Variants in PCDHGA10 observed in about 807,000 individuals in gnomAD.
The protein encoded by PCDHGA10 is protocadherin gamma-A10.
Under a neutral mutation model 59.5 loss-of-function variants are expected in PCDHGA10, and 42 were observed. The observed-to-expected ratio is 0.71, with a 90% CI of 0.55 to 0.91. The LOEUF (loss-of-function observed/expected upper bound fraction) is 0.91. Ranked by LOEUF, PCDHGA10 falls within the 40% of genes least tolerant of loss-of-function variation. The pLI is 0.00. For synonymous variants in PCDHGA10, 511 were observed against 517.2 expected (o/e 0.99, Z 0.16); for missense variants, 1,111 against 1,198.2 (o/e 0.93, Z 1.07).
intron 1 of PCDHGA10, among the ~76,000 whole-genome samples, chr5:141,435,500 A>G (rs896915416): frequency 6.6e-6 from 1 of 152,176 alleles, no homozygotes; most frequent in African/African-American, 2.4e-5. Context: ...TCCTACACTA[A>G]TGATACTAAT....
Position 141,449,720 on chromosome 5 carries a change from T to C in PCDHGA10, c.2436+34109T>C, listed in dbSNP as rs373093679. 2.4e-4 allele frequency among the ~76,000 whole-genome samples: 36 copies of C among 151,876 alleles called. No individual in the cohort carries two copies. In the East Asian group the frequency reaches 3.1e-3, roughly 13 times the overall value. ...ACACAAACACATTATTTTTATATGA[T>C]ATGATTTTTTTATGACATGATTATT... On this transcript the variant is annotated intron_variant, in intron 1 of 3. Coordinates refer to ENST00000398610, the MANE Select transcript of PCDHGA10 (RefSeq NM_018913.3).
At chr5:141,418,803 A>G (rs1358411126) in intron 1 of PCDHGA10, 1 of 1,613,894 alleles carries the variant, frequency 6.2e-7, no homozygotes, top group Non-Finnish European at 8.5e-7. Context: ...GTAGAAAGAT[A>G]TACGATAAAC....
At chr5:141,455,860 ATTATTTATTTATTTATTTATTTAT>A (rs145569377) in intron 1 of PCDHGA10, among the ~76,000 whole-genome samples, 10 of 139,848 alleles carry the variant, frequency 7.2e-5, no homozygotes, top group Admixed American at 5.1e-4. Flanking sequence ...AATTTCTTTT[ATTATTTATTTATTTATTTATTTAT>A]TTATTTATTT....
At chr5:141,425,745 G>A (rs776065455) in intron 1 of PCDHGA10, among the ~76,000 whole-genome samples, 26 of 152,100 alleles carry the variant, frequency 1.7e-4, no homozygotes, top group Non-Finnish European at 2.9e-4. Flanking sequence ...TTCCCACAAG[G>A]TTTTTGTTCT....
At chr5:141,501,288 T>TATACAC (rs201660636) in intron 2 of PCDHGA10, among the ~76,000 whole-genome samples, 3,536 of 81,176 alleles carry the variant, frequency 0.044, 56 homozygotes, top group Admixed American at 0.065. Flanking sequence ...GATATTCCCT[T>TATACAC]ATACACACAC....
Position 141,487,424 on chromosome 5 carries a change from C to T in PCDHGA10, c.2437-7383C>T, listed in dbSNP as rs759893122. 5 of 1,613,982 alleles carry T rather than the reference C, an allele frequency of 3.1e-6. No individual in the cohort carries two copies. The highest frequency in any genetic ancestry group is 1.7e-5 in the Admixed American group (1 of 60,000). On this transcript the variant is annotated intron_variant, in intron 1 of 3. Transcript: ENST00000398610. The surrounding 1 kb of genome is among the most constrained non-coding windows in gnomAD (Gnocchi z 5.0). ...GCTTCCCCCTTCCAATGGGATCCTC[C>T]GAATCCAGCTAGGGTCAGATGACCC...
intron 1 of PCDHGA10, chr5:141,430,741 A>T (rs370226249): frequency 6.7e-6 from 10 of 1,498,900 alleles, no homozygotes; most frequent in Non-Finnish European, 8.9e-6. Flanking sequence ...ATTGAAAATA[A>T]TTCTGGAGGA....
rs751318430 is a variant in PCDHGA10 at position 141,485,603 on chromosome 5, G to A, written c.2437-9204G>A. 1 of 1,612,482 alleles carries A rather than the reference G, an allele frequency of 6.2e-7. No homozygotes were observed. The stretch of plus-strand genomic sequence containing the variant: ...GCAGCAGCTGGACTTGGAAATTGGG[G>A]AGGCAGCTCCTCCAGGACAGCGTTT... On this transcript the variant is annotated intron_variant, in intron 1 of 3. Coordinates refer to ENST00000398610, the MANE Select transcript of PCDHGA10 (RefSeq NM_018913.3). This position sits in a 1 kb window ranked among gnomAD's most constrained non-coding sequence, Gnocchi z 5.7.
rs1354607645 is a variant in PCDHGA10, at chr5:141,433,848, A to C, written c.2436+18237A>C. Among the ~76,000 whole-genome samples, 4 of 152,082 alleles carry C rather than the reference A, an allele frequency of 2.6e-5. No individual in the cohort carries two copies. In the East Asian group the frequency reaches 5.8e-4, roughly 22 times the overall value. ...GTGAAACTCTATCTCAAAAAAAAAA[A>C]AAAAAAACTTTATCCTCTAGTTTCA... On this transcript the variant is annotated intron_variant, in intron 1 of 3. Coordinates refer to ENST00000398610, the MANE Select transcript of PCDHGA10 (RefSeq NM_018913.3).
intron 1 of PCDHGA10, among the ~76,000 whole-genome samples, chr5:141,492,781 T>A (rs945023154): frequency 6.6e-6 from 1 of 152,194 alleles, no homozygotes; most frequent in African/African-American, 2.4e-5. Context: ...TGAGTGAGCC[T>A]CTATAGGACA....
Position 141,432,484 on chromosome 5 carries a change from G to A in PCDHGA10, c.2436+16873G>A, listed in dbSNP as rs1164877592. On this transcript the variant is annotated intron_variant, in intron 1 of 3. Transcript: ENST00000398610. The surrounding 1 kb of genome is among the most constrained non-coding windows in gnomAD (Gnocchi z 6.0). ...TCCCCACGGACGGTTCCACTGGCGTGGAGCTGGCTCCCCGCTCCGCAGAGC... is the reference window on the plus strand; with the variant it reads ...TCCCCACGGACGGTTCCACTGGCGTAGAGCTGGCTCCCCGCTCCGCAGAGC... 8.7e-6 allele frequency: 14 copies of A among 1,614,196 alleles called. No individual in the cohort carries two copies. Among genetic ancestry groups the A allele is most frequent in the Non-Finnish European group, 1.2e-5 (14 of 1,180,046 alleles).
chr5:141,505,509 G>A (rs778054090), intron 3 of PCDHGA10, 28 bp downstream of exon 3: 1 of 1,613,940 alleles, frequency 6.2e-7, no homozygotes, highest in Non-Finnish European at 8.5e-7. Context: ...GTGTATGGAA[G>A]AGTGGGAGAC....
intron 1 of PCDHGA10, chr5:141,428,330 T>C: frequency 1.6e-6 from 1 of 628,558 alleles, no homozygotes; most frequent in Non-Finnish European, 2.9e-6. Flanking sequence ...TTGATTTCTA[T>C]GCTCTTCTTC....
Position 141,415,335 on chromosome 5 carries a change from G to T in PCDHGA10, c.2160G>T (p.Leu720=), listed in dbSNP as rs779617513. The change falls in exon 1 of 4, where the codon CTG becomes CTT. Residue 720 remains leucine (L), a synonymous_variant. Coordinates refer to ENST00000398610, the MANE Select transcript of PCDHGA10 (RefSeq NM_018913.3). ...AFVIVLLAHR[L]RRWHKSRLLQ... is the part of the protein sequence containing the mutation. ...TCATCGTGCTGCTGGCGCACAGGCT[G>T]CGGCGCTGGCACAAGTCACGCCTGC... The T allele has an allele frequency of 4.3e-6, 7 of 1,614,110 alleles. No homozygotes were observed. The Admixed American group carries it at 1.2e-4, about 27-fold the overall frequency.
chr5:141,451,233 T>A (rs1431967203), intron 1 of PCDHGA10, among the ~76,000 whole-genome samples: 1 of 152,216 alleles, frequency 6.6e-6, no homozygotes, highest in African/African-American at 2.4e-5. Flanking sequence ...GCATTTATTA[T>A]CTCATAAATT....
rs1302496204 is a variant in PCDHGA10, at chr5:141,413,214, T to A, written c.39T>A (p.Asp13Glu). The change falls in exon 1 of 4, where the codon GAT becomes GAA. Residue 13 changes from aspartate (D) to glutamate (E), a missense_variant. By Grantham distance (45) the Asp-to-Glu change is conservative (BLOSUM62 2). Coordinates refer to ENST00000398610, the MANE Select transcript of PCDHGA10 (RefSeq NM_018913.3). ...GGAATCGCTCAAAGGAATCAAAGGA[T>A]TGCAGCGGGCTGGTCCTGCTCTGCC... ...AQRNRSKESK[D>E]CSGLVLLCLF... 6 of 1,613,176 alleles carry A rather than the reference T, an allele frequency of 3.7e-6. No homozygotes were observed. The African/African-American group carries it at 8.0e-5, about 22-fold the overall frequency.
At chr5:141,450,790 A>G (rs2098694056) in intron 1 of PCDHGA10, among the ~76,000 whole-genome samples, 1 of 148,832 alleles carries the variant, frequency 6.7e-6, no homozygotes, top group Admixed American at 6.7e-5. Context: ...CCCGGACCTC[A>G]TGATTGTATT....
At position 141,477,197 on chromosome 5, in the gene PCDHGA10, G is replaced by A. The variant is rs781504885; in HGVS notation, c.2437-17610G>A. ...CACAGTCACCTCCGTGTACAGCCCA[G>A]TACCCGAGGATGCCCCTCTGGGGAC... On this transcript the variant is annotated intron_variant, in intron 1 of 3. Coordinates refer to ENST00000398610, the MANE Select transcript of PCDHGA10 (RefSeq NM_018913.3). The surrounding 1 kb of genome is among the most constrained non-coding windows in gnomAD (Gnocchi z 4.9). 1 of 1,614,210 alleles carries A rather than the reference G, an allele frequency of 6.2e-7. No homozygotes were observed. Among genetic ancestry groups the A allele is most frequent in the East Asian group, 2.2e-5 (1 of 44,874 alleles).
rs1561742736 is a variant in PCDHGA10, at chr5:141,413,460, C to T, written c.285C>T (p.Asp95=). ...SGSLITAGRI[D]REELCAQSAR... ...GCTTGATCACCGCGGGCAGGATAGA[C>T]CGGGAGGAGCTCTGCGCTCAGAGCG... The change falls in exon 1 of 4, where the codon GAC becomes GAT. Residue 95 remains aspartate, a synonymous_variant. Transcript: ENST00000398610. The T allele has an allele frequency of 2.5e-6, 4 of 1,613,974 alleles. No individual in the cohort carries two copies. The highest frequency in any genetic ancestry group is 1.6e-4 in the Middle Eastern group (1 of 6,084).
Sources: gnomAD v4.1 joint callset for allele counts (sites outside exome capture counted in the v4.1 genomes callset) on GRCh38, gnomAD v4.1.1 for gene constraint, Gnocchi (gnomAD v3.1) non-coding constraint, MANE v1.5 for transcripts, NCBI Gene and HGNC (gene_info 2026-07-23, HGNC 2026-07-21) for gene names.